RETREG1: variants seen among roughly 807,000 people sequenced by gnomAD.
RETREG1 encodes reticulophagy regulator 1.
Under a neutral mutation model 54.8 loss-of-function variants are expected in RETREG1, and 44 were observed. That is an observed-to-expected ratio of 0.80 (90% CI 0.63 to 1.03). The LOEUF (loss-of-function observed/expected upper bound fraction) is 1.03. Among genes scored for constraint, RETREG1 ranks in the 50% least tolerant of loss-of-function variants. The pLI is 0.00. For missense variants in RETREG1, 554 were observed against 605.1 expected, an observed-to-expected ratio of 0.92 and a Z score of 0.89; for synonymous variants, 217 against 238.5, an observed-to-expected ratio of 0.91 and a Z score of 0.83.
intron 3 of RETREG1, among the ~76,000 whole-genome samples, chr5:16,511,581 C>T (rs1414748095): frequency 6.6e-6 from 1 of 152,158 alleles, no homozygotes; most frequent in African/African-American, 2.4e-5. Flanking sequence ...ACCATGGAGT[C>T]CCCTTTAGGT....
intron 3 of RETREG1, chr5:16,509,583 T>C (rs1240488620): frequency 6.6e-6 from 1 of 152,212 alleles, no homozygotes; most frequent in African/African-American, 2.4e-5. Flanking sequence ...ATTACTGAGA[T>C]TTCTTTAGGA....
chr5:16,572,409 C>T (rs1483117654), intron 1 of RETREG1, among the ~76,000 whole-genome samples: 3 of 152,182 alleles, frequency 2.0e-5, no homozygotes, highest in East Asian at 3.9e-4. Context: ...GACAGGGTTT[C>T]GCCATGTTGG....
intron 3 of RETREG1, among the ~76,000 whole-genome samples, chr5:16,546,025 A>C (rs1002457620): frequency 2.6e-5 from 4 of 152,312 alleles, no homozygotes; most frequent in Non-Finnish European, 1.5e-5. Flanking sequence ...TCCATGAGAG[A>C]ATCCCGATTT....
At chr5:16,577,226 T>C (rs1000414092) in intron 1 of RETREG1, among the ~76,000 whole-genome samples, 5 of 152,202 alleles carry the variant, frequency 3.3e-5, no homozygotes, top group African/African-American at 1.2e-4. Context: ...AACATTTTCC[T>C]TGATCTTTTG....
At chr5:16,549,900 A>G (rs1741486041) in intron 3 of RETREG1, among the ~76,000 whole-genome samples, 1 of 152,238 alleles carries the variant, frequency 6.6e-6, no homozygotes, top group African/African-American at 2.4e-5. Flanking sequence ...TCGTGAAAAT[A>G]TGATGCAAAA....
chr5:16,553,558 T>G (rs963840917), intron 3 of RETREG1, among the ~76,000 whole-genome samples: 10 of 152,134 alleles, frequency 6.6e-5, no homozygotes, highest in African/African-American at 2.2e-4. Context: ...TAGATTTTGT[T>G]TAAATATATT....
chr5:16,495,032 T>C (rs1739399685), intron 3 of RETREG1, among the ~76,000 whole-genome samples: 1 of 152,142 alleles, frequency 6.6e-6, no homozygotes, highest in Non-Finnish European at 1.5e-5. Flanking sequence ...TTTTACTATG[T>C]CTTAAGCAAG....
Position 16,583,094 on chromosome 5 carries a change from G to A in RETREG1, c.321-10992C>T, listed in dbSNP as rs150082121. The stretch of plus-strand genomic sequence containing the variant: ...CAGGCCAGCCAGAGAGCAGGGACAG[G>A]TGCTGGGCTATGTGGACAATTTACA... On this transcript the variant is annotated intron_variant, in intron 1 of 8. Coordinates refer to ENST00000306320, the MANE Select transcript of RETREG1 (RefSeq NM_001034850.3). Among the ~76,000 whole-genome samples, 630 of 152,300 alleles carry A rather than the reference G, an allele frequency of 4.1e-3. 4 individuals carry two copies. The highest frequency in any genetic ancestry group is 0.014 in the African/African-American group (594 of 41,552).
chr5:16,577,427 G>C (rs1742357768), intron 1 of RETREG1, among the ~76,000 whole-genome samples: 1 of 151,858 alleles, frequency 6.6e-6, no homozygotes, highest in African/African-American at 2.4e-5. Flanking sequence ...TCTAGTGGCT[G>C]ATTCCTCAGA....
chr5:16,537,195 C>T lies in RETREG1; in HGVS notation c.458+28568G>A, dbSNP rs115436173. ...GTTTCTGTATGTTTAATCCACACTG[C>T]GACCTCCCAATTAAATTGAATTTTT... On this transcript the variant is annotated intron_variant, in intron 3 of 8. Transcript: ENST00000306320. Among the ~76,000 whole-genome samples the T allele has an allele frequency of 7.0e-3, 1,071 of 152,306 alleles. 16 individuals carry two copies. Among genetic ancestry groups the T allele is most frequent in the African/African-American group, 0.024 (1,017 of 41,554 alleles).
chr5:16,518,500 GT>G (rs1249003304), intron 3 of RETREG1, among the ~76,000 whole-genome samples: 2 of 151,584 alleles, frequency 1.3e-5, no homozygotes, highest in Non-Finnish European at 2.9e-5. Context: ...CCTTTTGCCT[GT>G]TTTTTTCTTT....
intron 3 of RETREG1, among the ~76,000 whole-genome samples, chr5:16,525,277 CGCGGGGGGACACTGTGCTG>C (rs1561104628): frequency 2.5e-5 from 3 of 119,372 alleles, no homozygotes; most frequent in East Asian, 5.0e-4. Context: ...GGTGGATGTG[CGCGGGGGGACACTGTGCTG>C]ATTTGCGTCC....
intron 3 of RETREG1, among the ~76,000 whole-genome samples, chr5:16,528,276 G>T (rs1012529857): frequency 3.3e-5 from 5 of 152,098 alleles, no homozygotes; most frequent in African/African-American, 4.8e-5. Flanking sequence ...AATAAGATGT[G>T]ATTTTTACAT....
intron 2 of RETREG1, among the ~76,000 whole-genome samples, chr5:16,568,413 AGG>A (rs1186368277): frequency 2.0e-5 from 3 of 151,992 alleles, no homozygotes; most frequent in African/African-American, 7.3e-5. Context: ...CTGGGATTAC[AGG>A]TGCCCACCAC....
intron 2 of RETREG1, among the ~76,000 whole-genome samples, chr5:16,570,257 T>G: frequency 6.6e-6 from 1 of 152,240 alleles, no homozygotes; most frequent in East Asian, 1.9e-4. Flanking sequence ...AAGGACTGAA[T>G]TCTTGCAATG....
chr5:16,525,520 C>A (rs1561104886), intron 3 of RETREG1, among the ~76,000 whole-genome samples: 1 of 152,176 alleles, frequency 6.6e-6, no homozygotes, highest in Non-Finnish European at 1.5e-5. Flanking sequence ...ACCAGCAAGG[C>A]TCCTCTTGAG....
In RETREG1 at chr5:16,478,882, T is replaced by C. The variant is rs1738647345; in HGVS notation, c.776A>G (p.Glu259Gly). The C allele has an allele frequency of 6.2e-7, 1 of 1,612,278 alleles. No homozygotes were observed. Among genetic ancestry groups the C allele is most frequent in the African/African-American group, 1.3e-5 (1 of 74,840 alleles). ...CTCACGTTTCTTCTGATTAATATAT[T>C]CTCCAATTCCAAAATCCAGTTTCAG... is the stretch of plus-strand genomic sequence containing the variant. ...VLLKLDFGIG[E>G]YINQKKRERS... Residue 259 changes from glutamate (E) to glycine (G), a missense_variant, in exon 6 of 9, where the codon GAA (glutamate) becomes GGA (glycine). Physicochemically the swap from Glu to Gly is moderately conservative, Grantham distance 98. Transcript: ENST00000306320.
rs1042864064 is a variant in RETREG1 at position 16,616,742 on chromosome 5, A to G, written c.230T>C (p.Leu77Pro). The G allele has an allele frequency of 5.1e-5, 81 of 1,576,696 alleles. No homozygotes were observed. Among genetic ancestry groups the G allele is most frequent in the Non-Finnish European group, 6.8e-5 (79 of 1,169,204 alleles). Residue 77 changes from leucine (L) to proline (P), a missense_variant, in exon 1 of 9, where the codon CTG becomes CCG. Physicochemically the swap from Leu to Pro is moderately conservative, Grantham distance 98. This residue lies in a region of RETREG1 where 175 missense variants were observed against 142.1 expected (regional missense o/e 1.23). Transcript: ENST00000306320. The part of the protein sequence containing the change: ...AVTWLLGEPV[L>P]WLGCRADELL... Reference sequence around the variant, plus strand: ...CTCGTCGGCGCGGCAGCCCAGCCACAGCACCGGCTCCCCGAGCAGCCAGGT... The same window carrying G: ...CTCGTCGGCGCGGCAGCCCAGCCACGGCACCGGCTCCCCGAGCAGCCAGGT...
At chr5:16,522,289 C>G (rs1740559646) in intron 3 of RETREG1, among the ~76,000 whole-genome samples, 1 of 151,936 alleles carries the variant, frequency 6.6e-6, no homozygotes, top group African/African-American at 2.4e-5. Flanking sequence ...CTCCAGTAAT[C>G]TAATGGGCTT....
Sources: gnomAD v4.1 joint callset for allele counts (sites outside exome capture counted in the v4.1 genomes callset) on GRCh38, gnomAD v4.1.1 for gene constraint, gnomAD v4.1.1 regional missense constraint, MANE v1.5 for transcripts, NCBI Gene and HGNC (gene_info 2026-07-23, HGNC 2026-07-21) for gene names.